PTBP3: variants seen among roughly 807,000 people sequenced by gnomAD.
PTBP3 encodes polypyrimidine tract-binding protein 3.
In PTBP3, 20 loss-of-function variants were observed where a neutral mutation model predicts 58.7. That is an observed-to-expected ratio of 0.34 (90% CI 0.24 to 0.50). The LOEUF is 0.50. Ranked by LOEUF, PTBP3 falls within the 20% of genes least tolerant of loss-of-function variation. The probability of loss-of-function intolerance (pLI) is 0.98; values close to 1 mark genes in which losing one functional copy is unlikely to be tolerated. For synonymous variants in PTBP3, 185 were observed against 219.8 expected (o/e 0.84, Z 1.40); for missense variants, 509 against 637.2 (o/e 0.80, Z 2.17).
intron 7 of PTBP3, among the ~76,000 whole-genome samples, chr9:112,238,301 C>T (rs1835513557): frequency 6.6e-6 from 1 of 152,050 alleles, no homozygotes; most frequent in African/African-American, 2.4e-5. Context: ...GCCACAATTG[C>T]TAAGATCTAA....
At chr9:112,250,782 G>A in intron 7 of PTBP3, 147 bp downstream of exon 7, 1 of 624,214 alleles carries the variant, frequency 1.6e-6, no homozygotes, top group Non-Finnish European at 2.4e-6. Context: ...TTTAATTAAT[G>A]GGTATACTTT....
the PTBP3 span, among the ~76,000 whole-genome samples, chr9:112,353,051 C>A: frequency 6.6e-6 from 1 of 152,114 alleles, no homozygotes; most frequent in Non-Finnish European, 1.5e-5. Context: ...CAGGTGCCTG[C>A]CACCACGCCT....
chr9:112,250,847 G>T, intron 7 of PTBP3, 82 bp downstream of exon 7: 1 of 1,281,684 alleles, frequency 7.8e-7, no homozygotes, highest in East Asian at 2.7e-5. Context: ...AGAAGAAAAA[G>T]GCTTATAAAC....
At chr9:112,314,091 T>C (rs1829602136) in intron 1 of PTBP3, among the ~76,000 whole-genome samples, 2 of 152,224 alleles carry the variant, frequency 1.3e-5, no homozygotes, top group Admixed American at 6.5e-5. Flanking sequence ...GGATGTGCTA[T>C]AAGTTATATG....
chr9:112,298,697 T>C (rs1045745369), intron 1 of PTBP3: 21 of 325,430 alleles, frequency 6.5e-5, no homozygotes, highest in Admixed American at 4.3e-5. Context: ...CAAACAATCC[T>C]ACAAATATTA....
chr9:112,371,948 T>C, the PTBP3 span, among the ~76,000 whole-genome samples: 2 of 152,162 alleles, frequency 1.3e-5, no homozygotes, highest in Admixed American at 1.3e-4. Context: ...TCATGTTCTG[T>C]TGCTTGACCT....
intron 1 of PTBP3, among the ~76,000 whole-genome samples, chr9:112,332,560 C>T (rs1025563332): frequency 1.3e-5 from 2 of 151,664 alleles, no homozygotes; most frequent in African/African-American, 4.8e-5. Context: ...TTTTTTAATC[C>T]GTAGGTACAG....
rs896651565 is a variant in PTBP3, at chr9:112,219,929, C to T, written c.*3922G>A. ...GCTAATAGTCTTGTAGATAACAACA[C>T]AACTCTTTTAAAAGACAGCTGAGTT... On this transcript the variant is annotated 3_prime_UTR_variant, in exon 14 of 14. Transcript: ENST00000374257. The T allele has an allele frequency of 2.8e-6, 1 of 362,212 alleles. No homozygotes were observed. The highest frequency in any genetic ancestry group is 4.1e-6 in the Non-Finnish European group (1 of 246,116). 22.4% of individuals were successfully genotyped at this position (362,212 alleles called of 1,614,324 possible).
intron 7 of PTBP3, among the ~76,000 whole-genome samples, chr9:112,238,556 C>T (rs1364527245): frequency 6.8e-6 from 1 of 147,780 alleles, no homozygotes; most frequent in Non-Finnish European, 1.5e-5. Context: ...AAACAATCCA[C>T]TGACTCAAGA....
intron 12 of PTBP3, among the ~76,000 whole-genome samples, chr9:112,226,678 T>C (rs557432365): frequency 1.6e-4 from 25 of 152,330 alleles, no homozygotes; most frequent in African/African-American, 4.8e-4. Context: ...ACTAATCAGC[T>C]TTGCTGTTGT....
At chr9:112,355,857 T>C in the PTBP3 span, among the ~76,000 whole-genome samples, 1 of 152,156 alleles carries the variant, frequency 6.6e-6, no homozygotes, top group African/African-American at 2.4e-5. Context: ...ACTCAAGCCA[T>C]CTATCCGGCT....
Position 112,223,656 on chromosome 9 carries a change from A to AAAAG in PTBP3, c.*191_*194dup. On this transcript the variant is annotated 3_prime_UTR_variant, in exon 14 of 14. Transcript: ENST00000374257. ...TTTGTAGAAACCATGGTAAAAAGGG[A>AAAAG]AAAGAAACCTTTGACTGGCGGGGGC... The AAAAG allele has an allele frequency of 7.7e-7, 1 of 1,290,738 alleles. No individual in the cohort carries two copies. Among genetic ancestry groups the AAAAG allele is most frequent in the Non-Finnish European group, 9.8e-7 (1 of 1,018,022 alleles). 80.0% of individuals were successfully genotyped at this position (1,290,738 alleles called of 1,614,324 possible).
upstream of PTBP3, among the ~76,000 whole-genome samples, chr9:112,334,265 A>C (rs1427062547): frequency 1.3e-5 from 2 of 152,202 alleles, no homozygotes; most frequent in Non-Finnish European, 2.9e-5. Context: ...ATCTGAGTGC[A>C]TTTCGACCTA....
intron 1 of PTBP3, among the ~76,000 whole-genome samples, chr9:112,329,044 G>A (rs1269075836): frequency 6.6e-6 from 1 of 152,126 alleles, no homozygotes; most frequent in Non-Finnish European, 1.5e-5. Context: ...AAATTACTAA[G>A]GGAACCTTTA....
the PTBP3 span, among the ~76,000 whole-genome samples, chr9:112,359,166 G>A: frequency 6.6e-6 from 1 of 152,052 alleles, no homozygotes; most frequent in African/African-American, 2.4e-5. Context: ...TTTAGGCTGG[G>A]CGCGGTGGCT....
In PTBP3 at chr9:112,297,872, A is replaced by T; in HGVS notation, c.-7T>A. 6.2e-7 allele frequency: 1 copy of T among 1,612,970 alleles called. No individual in the cohort carries two copies. Among genetic ancestry groups the T allele is most frequent in the Non-Finnish European group, 8.5e-7 (1 of 1,179,528 alleles). On this transcript the variant is annotated 5_prime_UTR_variant, in exon 2 of 14. Coordinates refer to ENST00000374257, the MANE Select transcript of PTBP3 (RefSeq NM_001163788.4). ...AAGGAGTAGAACTATTCATGGTAAAAGGTCCGTTAATGATGCCAGAAGAAA... is the reference window on the plus strand; with the variant it reads ...AAGGAGTAGAACTATTCATGGTAAATGGTCCGTTAATGATGCCAGAAGAAA...
intron 2 of PTBP3, among the ~76,000 whole-genome samples, chr9:112,290,222 C>A (rs555097682): frequency 6.6e-6 from 1 of 151,888 alleles, no homozygotes; most frequent in African/African-American, 2.4e-5. Flanking sequence ...GCAAACAACC[C>A]AATAGAAGAA....
intron 1 of PTBP3, chr9:112,332,792 A>G (rs1830429285): frequency 1.9e-6 from 3 of 1,612,520 alleles, no homozygotes; most frequent in South Asian, 2.2e-5. Context: ...ACACGGGCAG[A>G]TAATTCATTA....
At chr9:112,327,611 A>C (rs1564467555) in intron 1 of PTBP3, among the ~76,000 whole-genome samples, 1 of 152,192 alleles carries the variant, frequency 6.6e-6, no homozygotes, top group Non-Finnish European at 1.5e-5. Flanking sequence ...AAGTAGTATT[A>C]GAAACTAATT....
Sources: allele counts gnomAD v4.1 joint callset (sites outside exome capture counted in the v4.1 genomes callset), GRCh38; gene constraint gnomAD v4.1.1; transcripts MANE v1.5; gene names NCBI Gene and HGNC (gene_info 2026-07-23, HGNC 2026-07-21).